NBEA: variants seen among roughly 807,000 people sequenced by gnomAD.
NBEA encodes neurobeachin, also known as lysosomal-trafficking regulator 2.
NBEA carries 44 observed loss-of-function variants against 343.4 expected under a neutral mutation model. The ratio of observed to expected loss-of-function variants is 0.13; its 90% confidence interval spans 0.10 to 0.16. NBEA has a LOEUF of 0.16. Ranked by LOEUF, NBEA falls within the 10% of genes least tolerant of loss-of-function variation. The probability of loss-of-function intolerance (pLI) is 1.00; values close to 1 mark genes in which losing one functional copy is unlikely to be tolerated. For missense variants in NBEA, 2,555 were observed against 3,631.3 expected (o/e 0.70, Z 7.62); for synonymous variants, 1,175 against 1,238.7 (o/e 0.95, Z 1.08).
At chr13:35,245,877 T>C (rs1030763133) in intron 34 of NBEA, among the ~76,000 whole-genome samples, 9 of 152,216 alleles carry the variant, frequency 5.9e-5, no homozygotes, top group African/African-American at 1.7e-4. Flanking sequence ...CCCCTAAATA[T>C]GTTTTCCAAA....
In NBEA at chr13:35,566,888, C is replaced by A. The variant is rs575433281; in HGVS notation, c.6923-17C>A. Reference sequence around the variant, plus strand: ...ATTTTGTGTGTACAAATTTTTATTTCTGTTTTTCTTTACTAGGACGGACAT... The same window carrying A: ...ATTTTGTGTGTACAAATTTTTATTTATGTTTTTCTTTACTAGGACGGACAT... On this transcript the variant is annotated splice_polypyrimidine_tract_variant and intron_variant, in intron 44 of 58. Transcript: ENST00000379939. 4.2e-6 allele frequency: 6 copies of A among 1,426,522 alleles called. No individual in the cohort carries two copies. In the South Asian group the frequency reaches 6.2e-5, roughly 15 times the overall value. The allele number at this position is 1,426,522 out of a possible 1,614,324, so 88.4% of individuals were successfully genotyped here. A position where few individuals can be genotyped will look rare whatever the true frequency, so the allele number is the denominator to read the frequency against.
chr13:35,320,465 G>A (rs1461856418), intron 36 of NBEA, among the ~76,000 whole-genome samples: 3 of 152,150 alleles, frequency 2.0e-5, no homozygotes, highest in Admixed American at 6.5e-5. Context: ...TGAGAGATCC[G>A]CTGTTAGTCT....
chr13:35,118,329 G>A (rs755604968), intron 15 of NBEA, 39 bp downstream of exon 15: 1 of 1,567,974 alleles, frequency 6.4e-7, no homozygotes, highest in South Asian at 1.2e-5. Context: ...AATTATTTAA[G>A]CCAATCTTTA....
intron 36 of NBEA, among the ~76,000 whole-genome samples, chr13:35,342,340 G>A (rs567739296): frequency 4.6e-5 from 7 of 152,070 alleles, no homozygotes; most frequent in Admixed American, 3.9e-4. Context: ...AAATGGAGAG[G>A]ATTTTGTTAT....
intron 34 of NBEA, among the ~76,000 whole-genome samples, chr13:35,265,142 A>G (rs558911021): frequency 2.2e-4 from 34 of 152,008 alleles, no homozygotes; most frequent in African/African-American, 7.5e-4. Flanking sequence ...TGCAATTGCA[A>G]TGTTTCCTAA....
intron 38 of NBEA, among the ~76,000 whole-genome samples, chr13:35,415,448 A>T (rs903269814): frequency 6.6e-6 from 1 of 152,214 alleles, no homozygotes; most frequent in Non-Finnish European, 1.5e-5. Flanking sequence ...AGCTTTCTAC[A>T]TATGGTTAGC....
intron 45 of NBEA, among the ~76,000 whole-genome samples, chr13:35,569,957 T>C (rs982863307): frequency 3.9e-5 from 6 of 152,338 alleles, no homozygotes; most frequent in South Asian, 2.1e-4. Flanking sequence ...TGAGTTAAAA[T>C]AAATGAGGAA....
At chr13:35,384,452 TCTTA>T (rs965658644) in intron 38 of NBEA, among the ~76,000 whole-genome samples, 2 of 152,018 alleles carry the variant, frequency 1.3e-5, no homozygotes, top group African/African-American at 2.4e-5. Flanking sequence ...GTCAAAGCTG[TCTTA>T]CTTAGGCTTT....
At chr13:35,311,240 C>T (rs999899804) in intron 36 of NBEA, among the ~76,000 whole-genome samples, 2 of 151,964 alleles carry the variant, frequency 1.3e-5, no homozygotes, top group African/African-American at 2.4e-5. Flanking sequence ...TTTGCTAAGG[C>T]TAATCATTGT....
At chr13:35,411,114 G>A (rs2043557620) in intron 38 of NBEA, among the ~76,000 whole-genome samples, 1 of 152,002 alleles carries the variant, frequency 6.6e-6, no homozygotes, top group African/African-American at 2.4e-5. Context: ...TTTTGATTGT[G>A]CTTTGTTTTT....
chr13:35,643,501 G>T (rs1039510327), intron 49 of NBEA, among the ~76,000 whole-genome samples: 1 of 152,110 alleles, frequency 6.6e-6, no homozygotes, highest in Admixed American at 6.5e-5. Flanking sequence ...TCTAGACCAG[G>T]TTTCAGTTTT....
intron 36 of NBEA, among the ~76,000 whole-genome samples, chr13:35,335,126 C>G (rs2039171097): frequency 6.6e-6 from 1 of 152,002 alleles, no homozygotes; most frequent in Admixed American, 6.6e-5. Context: ...TTCTTTGGCA[C>G]CTTTGTCAAA....
At chr13:35,069,587 C>A (rs1051271618) in intron 8 of NBEA, among the ~76,000 whole-genome samples, 2 of 152,030 alleles carry the variant, frequency 1.3e-5, no homozygotes, top group Non-Finnish European at 2.9e-5. Flanking sequence ...AAGAAAAATT[C>A]AACTTAAGCT....
chr13:34,978,900 A>G (rs2060265629), intron 1 of NBEA, among the ~76,000 whole-genome samples: 1 of 152,192 alleles, frequency 6.6e-6, no homozygotes, highest in African/African-American at 2.4e-5. Context: ...GTTTTTGGCC[A>G]TTATGAATAA....
At chr13:35,579,416 A>G (rs543427564) in intron 45 of NBEA, among the ~76,000 whole-genome samples, 2 of 152,188 alleles carry the variant, frequency 1.3e-5, no homozygotes, top group South Asian at 4.1e-4. Flanking sequence ...TACTAAATTT[A>G]TATATTTTAT....
intron 49 of NBEA, among the ~76,000 whole-genome samples, chr13:35,636,108 CCTTAT>C (rs1246657755): frequency 6.6e-6 from 1 of 152,110 alleles, no homozygotes; most frequent in Non-Finnish European, 1.5e-5. Context: ...GAAGGGATTT[CCTTAT>C]CTTCTATTAA....
At chr13:35,660,494 C>T (rs1002138631) in intron 55 of NBEA, among the ~76,000 whole-genome samples, 4 of 152,132 alleles carry the variant, frequency 2.6e-5, no homozygotes, top group East Asian at 1.9e-4. Flanking sequence ...TATTTTAGCT[C>T]GTGTACGGGC....
chr13:35,400,083 T>G (rs939006325), intron 38 of NBEA, among the ~76,000 whole-genome samples: 1 of 151,560 alleles, frequency 6.6e-6, no homozygotes, highest in Non-Finnish European at 1.5e-5. Flanking sequence ...TGAAAAAGTT[T>G]GAAATATCAC....
At chr13:35,175,138 C>G (rs2070780302) in intron 27 of NBEA, among the ~76,000 whole-genome samples, 1 of 152,126 alleles carries the variant, frequency 6.6e-6, no homozygotes, top group African/African-American at 2.4e-5. Context: ...AAGAGGACAA[C>G]TCTAGAATCA....
Sources: allele counts gnomAD v4.1 joint callset (sites outside exome capture counted in the v4.1 genomes callset), GRCh38; gene constraint gnomAD v4.1.1; transcripts MANE v1.5; gene names NCBI Gene and HGNC (gene_info 2026-07-23, HGNC 2026-07-21).